RAET1L: variants seen among roughly 807,000 people sequenced by gnomAD.
RAET1L encodes the protein UL16-binding protein 6.
Under a neutral mutation model 23.9 loss-of-function variants are expected in RAET1L, and 16 were observed. That is an observed-to-expected ratio of 0.67 (90% CI 0.45 to 1.02). RAET1L has a LOEUF of 1.02. Among genes scored for constraint, RAET1L ranks in the 50% least tolerant of loss-of-function variants. The probability of loss-of-function intolerance (pLI) is 0.00; values close to 1 mark genes in which losing one functional copy is unlikely to be tolerated. For synonymous variants in RAET1L, 70 were observed against 111.2 expected, an observed-to-expected ratio of 0.63 and a Z score of 2.33; for missense variants, 233 against 304.0, an observed-to-expected ratio of 0.77 and a Z score of 1.74.
intron 1 of RAET1L, among the ~76,000 whole-genome samples, chr6:150,024,284 T>A (rs1253878517): frequency 6.6e-6 from 1 of 152,086 alleles, no homozygotes; most frequent in Non-Finnish European, 1.5e-5. Flanking sequence ...AGACATCACT[T>A]GGAGATGACA....
rs1009749816 is a variant in RAET1L, at chr6:150,018,771, C to G, written c.*107G>C. 27 of 259,206 alleles carry G rather than the reference C, an allele frequency of 1.0e-4. No homozygotes were observed. Among genetic ancestry groups the G allele is most frequent in the African/African-American group, 6.0e-4 (26 of 43,018 alleles). The allele number at this position is 259,206 out of a possible 1,614,324, so 16.1% of individuals were successfully genotyped here. ...TCTGCTGGAGGCTGCTGGACATACA[C>G]CGTAGGTGGTGGGCAGCTGGCCAGA... On this transcript the variant is annotated 3_prime_UTR_variant, in exon 5 of 5. Transcript: ENST00000367341.
intron 3 of RAET1L, 118 bp downstream of exon 3, chr6:150,020,787 A>G: frequency 6.6e-7 from 1 of 1,516,706 alleles, no homozygotes; most frequent in Middle Eastern, 1.8e-4. Context: ...CCCGACGAGG[A>G]GGTCATTTTA....
At chr6:150,018,919 T>A (rs1414500224) in intron 4 of RAET1L, 64 bp from the exon 5 acceptor site, 1 of 276,850 alleles carries the variant, frequency 3.6e-6, no homozygotes. Flanking sequence ...TCCACGGTAA[T>A]CTTTCCCTAG....
rs937810961 is a variant in RAET1L, at chr6:150,025,412, G to A, written c.60C>T (p.Phe20=). ...CGTCTCGCCTAGCCCGGGACCAGCC[G>A]AACAGCAGGAACAGAAGCGGGAGGC... The part of the protein sequence containing the change: ...LLCLPLLFLL[F]GWSRARRDDP... The change falls in exon 1 of 5, where the codon TTC becomes TTT. Residue 20 remains phenylalanine (F), a synonymous_variant. Coordinates refer to ENST00000367341, the MANE Select transcript of RAET1L (RefSeq NM_130900.3). 1.9e-6 allele frequency: 3 copies of A among 1,613,836 alleles called. No homozygotes were observed. Among genetic ancestry groups the A allele is most frequent in the African/African-American group, 1.3e-5 (1 of 74,942 alleles).
intron 1 of RAET1L, among the ~76,000 whole-genome samples, chr6:150,024,210 C>T (rs1230921236): frequency 7.9e-5 from 12 of 152,196 alleles, no homozygotes; most frequent in Non-Finnish European, 1.6e-4. Context: ...ACTCCCATCA[C>T]ATCCACACCA....
At chr6:150,019,522 T>C (rs1256344050) in intron 4 of RAET1L, among the ~76,000 whole-genome samples, 1 of 151,558 alleles carries the variant, frequency 6.6e-6, no homozygotes, top group Non-Finnish European at 1.5e-5. Context: ...GGGACTGACT[T>C]TTTAAAAATC....
Position 150,021,925 on chromosome 6 carries a change from C to T in RAET1L, c.349+55G>A, listed in dbSNP as rs535906362. On this transcript the variant is annotated intron_variant, in intron 2 of 4. Coordinates refer to ENST00000367341, the MANE Select transcript of RAET1L (RefSeq NM_130900.3). ...TATTTTTACATGAAAACTATAAATG[C>T]CTCTAACCTACCACTGTATCTGCTC... 1,231 of 1,604,398 alleles carry T rather than the reference C, an allele frequency of 7.7e-4. 11 individuals carry two copies. The African/African-American group carries it at 0.013, about 17-fold the overall frequency.
At position 150,018,448 on chromosome 6, in the gene RAET1L, A is replaced by G. The variant is rs1779846902; in HGVS notation, c.*430T>C. ...TTAAATAATTAAACAATTCTCTTTCAGGACATGGAAAGAATCCCTGGAGGT... is the reference window on the plus strand; with the variant it reads ...TTAAATAATTAAACAATTCTCTTTCGGGACATGGAAAGAATCCCTGGAGGT... On this transcript the variant is annotated 3_prime_UTR_variant, in exon 5 of 5. Coordinates refer to ENST00000367341, the MANE Select transcript of RAET1L (RefSeq NM_130900.3). 1 of 152,264 alleles carries G rather than the reference A, an allele frequency of 6.6e-6. No individual in the cohort carries two copies. The highest frequency in any genetic ancestry group is 1.5e-5 in the Non-Finnish European group (1 of 68,074). The allele number at this position is 152,264 out of a possible 1,614,324, so 9.4% of individuals were successfully genotyped here. A position where few individuals can be genotyped will look rare whatever the true frequency, so the allele number is the denominator to read the frequency against.
intron 1 of RAET1L, among the ~76,000 whole-genome samples, chr6:150,023,962 T>C (rs1779916171): frequency 6.6e-6 from 1 of 151,952 alleles, no homozygotes; most frequent in African/African-American, 2.4e-5. Flanking sequence ...TCTAGGTCAT[T>C]AGGAAGATAG....
At chr6:150,024,088 A>AC (rs1195492742) in intron 1 of RAET1L, among the ~76,000 whole-genome samples, 1 of 152,120 alleles carries the variant, frequency 6.6e-6, no homozygotes, top group African/African-American at 2.4e-5. Flanking sequence ...ACGTGGCTGC[A>AC]CCCACTCACC....
intron 1 of RAET1L, among the ~76,000 whole-genome samples, chr6:150,024,917 G>A (rs1416389973): frequency 3.9e-5 from 6 of 152,106 alleles, no homozygotes; most frequent in African/African-American, 1.2e-4. Flanking sequence ...AACAAAGGCA[G>A]GGAGTCCTGG....
chr6:150,025,171 G>A (rs1360523674), intron 1 of RAET1L, among the ~76,000 whole-genome samples: 1 of 152,100 alleles, frequency 6.6e-6, no homozygotes, highest in East Asian at 1.9e-4. Context: ...TGCCAGCCTC[G>A]TTTTCACCCT....
chr6:150,025,346 G>C (rs1562510074), intron 1 of RAET1L, 41 bp downstream of exon 1: 1 of 1,566,502 alleles, frequency 6.4e-7, no homozygotes, highest in Non-Finnish European at 8.8e-7. Context: ...AGTCCCTCAG[G>C]TTTGGCCCCC....
Position 150,025,428 on chromosome 6 carries a change from AG to A in RAET1L, c.43del (p.Leu15PhefsTer67), listed in dbSNP as rs1259158445. On this transcript the variant is annotated frameshift_variant, in exon 1 of 5. Coordinates refer to ENST00000367341, the MANE Select transcript of RAET1L (RefSeq NM_130900.3). LOFTEE classifies it high-confidence loss of function. ...AIPALLLCLP[L>X]LFLLFGWSRA... ...GGACCAGCCGAACAGCAGGAACAGA[AG>A]CGGGAGGCACAGAAGCAAAGCTGGG... is the stretch of plus-strand genomic sequence containing the variant. 6.2e-7 allele frequency: 1 copy of A among 1,613,928 alleles called. No individual in the cohort carries two copies. Among genetic ancestry groups the A allele is most frequent in the Non-Finnish European group, 8.5e-7 (1 of 1,179,902 alleles).
chr6:150,021,949 T>C (rs747823653), intron 2 of RAET1L, 31 bp downstream of exon 2: 39 of 1,608,838 alleles, frequency 2.4e-5, no homozygotes, highest in Non-Finnish European at 3.3e-5. Context: ...CTGTATCTGC[T>C]CCCTGCTGTC....
intron 1 of RAET1L, among the ~76,000 whole-genome samples, chr6:150,024,777 A>G (rs1354795298): frequency 1.3e-5 from 2 of 152,004 alleles, no homozygotes; most frequent in African/African-American, 4.8e-5. Context: ...CTCAGGGGTG[A>G]CCAGCTGGGC....
At chr6:150,021,561 A>T (rs1477399382) in intron 2 of RAET1L, among the ~76,000 whole-genome samples, 1 of 144,600 alleles carries the variant, frequency 6.9e-6, no homozygotes, top group East Asian at 2.0e-4. Context: ...AGCCTCCCAA[A>T]ATGCTGGGAT....
intron 1 of RAET1L, among the ~76,000 whole-genome samples, chr6:150,024,208 C>A (rs1354174232): frequency 6.6e-6 from 1 of 152,176 alleles, no homozygotes; most frequent in Non-Finnish European, 1.5e-5. Flanking sequence ...CCACTCCCAT[C>A]ACATCCACAC....
Position 150,020,263 on chromosome 6 carries a change from C to T in RAET1L, c.632-24G>A, listed in dbSNP as rs748066633. 2.0e-4 allele frequency: 272 copies of T among 1,337,144 alleles called. 1 individual carries two copies. Among genetic ancestry groups the T allele is most frequent in the Non-Finnish European group, 2.6e-4 (251 of 971,012 alleles). 82.8% of individuals were successfully genotyped at this position (1,337,144 alleles called of 1,614,324 possible). A position where few individuals can be genotyped will look rare whatever the true frequency, so the allele number is the denominator to read the frequency against. ...TGCTGAAATGGAAACACAAAAGTGA[C>T]AACCCTTGTCCAGGCCCCAAATCTG... On this transcript the variant is annotated intron_variant, in intron 3 of 4. Transcript: ENST00000367341.
Sources: allele counts gnomAD v4.1 joint callset (sites outside exome capture counted in the v4.1 genomes callset), GRCh38; gene constraint gnomAD v4.1.1; transcripts MANE v1.5; gene names NCBI Gene and HGNC (gene_info 2026-07-23, HGNC 2026-07-21).